TMEM273: variants seen among roughly 807,000 people sequenced by gnomAD.
TMEM273 encodes chromosome 10 open reading frame 128.
Under a neutral mutation model 17.9 loss-of-function variants are expected in TMEM273, and 19 were observed. The observed-to-expected ratio is 1.06, with a 90% CI of 0.74 to 1.55. The LOEUF is 1.55. TMEM273 is among the 40% of genes most tolerant of loss of function. TMEM273 has a pLI of 0.00. For synonymous variants in TMEM273, 66 were observed against 62.0 expected (o/e 1.07, Z -0.31); for missense variants, 194 against 155.6 (o/e 1.25, Z -1.31).
intron 6 of TMEM273, among the ~76,000 whole-genome samples, chr10:49,158,273 A>G (rs1340152391): frequency 6.6e-6 from 1 of 151,610 alleles, no homozygotes; most frequent in Non-Finnish European, 1.5e-5. Context: ...ATATAATGCA[A>G]CCCCAATTTA....
intron 1 of TMEM273, among the ~76,000 whole-genome samples, chr10:49,184,713 A>G (rs138272196): frequency 8.5e-5 from 13 of 152,316 alleles, no homozygotes; most frequent in East Asian, 1.9e-4. Context: ...AATATCCAAC[A>G]AAAGGAGAAT....
intron 6 of TMEM273, among the ~76,000 whole-genome samples, chr10:49,156,582 T>C (rs1312343068): frequency 6.6e-6 from 1 of 152,178 alleles, no homozygotes; most frequent in Non-Finnish European, 1.5e-5. Flanking sequence ...TATAATAGAA[T>C]GGTATATATG....
intron 1 of TMEM273, among the ~76,000 whole-genome samples, chr10:49,168,317 C>G (rs1846331109): frequency 6.6e-6 from 1 of 152,162 alleles, no homozygotes; most frequent in African/African-American, 2.4e-5. Flanking sequence ...GAATCTCCTG[C>G]CCTGCCTCAG....
Position 49,173,026 on chromosome 10 carries a change from A to T in TMEM273, c.44-5064T>A, listed in dbSNP as rs112701787. 3.2e-3 allele frequency among the ~76,000 whole-genome samples: 491 copies of T among 152,350 alleles called. 4 individuals carry two copies. Among genetic ancestry groups the T allele is most frequent in the African/African-American group, 0.011 (475 of 41,590 alleles). ...CCAGTGACACCTAACTCAGAGCCTC[A>T]GGGGAAACTGAGAAGCAAGAATGTC... is the stretch of plus-strand genomic sequence containing the variant. On this transcript the variant is annotated intron_variant, in intron 1 of 6. Coordinates refer to ENST00000374153, the MANE Select transcript of TMEM273 (RefSeq NM_001288740.3).
At chr10:49,171,629 C>T (rs1288673175) in intron 1 of TMEM273, among the ~76,000 whole-genome samples, 1 of 152,236 alleles carries the variant, frequency 6.6e-6, no homozygotes, top group Non-Finnish European at 1.5e-5. Context: ...CTGCAGCACA[C>T]AGATTGCTCT....
rs1030403112 is a variant in TMEM273, at chr10:49,171,808, G to A, written c.44-3846C>T. On this transcript the variant is annotated intron_variant, in intron 1 of 6. Transcript: ENST00000374153. Reference sequence around the variant, plus strand: ...TTATTTTGGAGAGAGCTGAAGGCACGGCCTAGCTTTGCCCCATCTCACTTG... The same window carrying A: ...TTATTTTGGAGAGAGCTGAAGGCACAGCCTAGCTTTGCCCCATCTCACTTG... Among the ~76,000 whole-genome samples, 20 of 152,190 alleles carry A rather than the reference G, an allele frequency of 1.3e-4. No homozygotes were observed. The East Asian group carries it at 1.3e-3, about 10-fold the overall frequency.
intron 1 of TMEM273, among the ~76,000 whole-genome samples, chr10:49,179,054 C>T (rs888105763): frequency 2.6e-5 from 4 of 152,126 alleles, no homozygotes; most frequent in African/African-American, 4.8e-5. Context: ...GGCAGGAGTT[C>T]CCCAACTGAC....
chr10:49,187,158 G>T (rs1847775649), intron 1 of TMEM273, among the ~76,000 whole-genome samples: 1 of 152,110 alleles, frequency 6.6e-6, no homozygotes, highest in African/African-American at 2.4e-5. Context: ...CCACGTCTCT[G>T]GGCAGGCACA....
chr10:49,166,069 C>T (rs1054828437), intron 3 of TMEM273, among the ~76,000 whole-genome samples: 1 of 152,220 alleles, frequency 6.6e-6, no homozygotes, highest in African/African-American at 2.4e-5. Flanking sequence ...CTCCTCCTCT[C>T]CCGGCCCAGA....
At chr10:49,169,655 T>C (rs958261146) in intron 1 of TMEM273, among the ~76,000 whole-genome samples, 5 of 152,212 alleles carry the variant, frequency 3.3e-5, no homozygotes, top group African/African-American at 9.6e-5. Context: ...GCACACAATA[T>C]GACTCTGATT....
intron 1 of TMEM273, among the ~76,000 whole-genome samples, chr10:49,185,017 G>A (rs1368694747): frequency 6.6e-6 from 1 of 152,152 alleles, no homozygotes; most frequent in East Asian, 1.9e-4. Context: ...CAGCTGCAAA[G>A]TAACCCAGGA....
chr10:49,169,776 G>C (rs779979226), intron 1 of TMEM273, among the ~76,000 whole-genome samples: 1 of 152,194 alleles, frequency 6.6e-6, no homozygotes, highest in Non-Finnish European at 1.5e-5. Flanking sequence ...ATGGGGCAAA[G>C]GCTTATATTC....
chr10:49,160,348 T>C (rs778179279), intron 6 of TMEM273: 3 of 152,186 alleles, frequency 2.0e-5, no homozygotes, highest in Non-Finnish European at 2.9e-5. Flanking sequence ...CTTCATGGTA[T>C]TTCTGACCAA....
chr10:49,157,701 A>T (rs1216254623), intron 6 of TMEM273, among the ~76,000 whole-genome samples: 1 of 152,206 alleles, frequency 6.6e-6, no homozygotes, highest in Non-Finnish European at 1.5e-5. Context: ...ACATGATAAG[A>T]TATGTGTGCT....
intron 3 of TMEM273, chr10:49,166,303 T>C: frequency 1.0e-5 from 2 of 200,536 alleles, no homozygotes; most frequent in Non-Finnish European, 2.0e-5. Flanking sequence ...ATGGTGCATG[T>C]CAGCCAGCTC....
intron 5 of TMEM273, among the ~76,000 whole-genome samples, chr10:49,161,871 T>A (rs1469967708): frequency 6.6e-6 from 1 of 152,158 alleles, no homozygotes; most frequent in Admixed American, 6.5e-5. Flanking sequence ...TCCCTGCACG[T>A]GGTGAGGGCG....
At chr10:49,174,123 C>A (rs1357468337) in intron 1 of TMEM273, among the ~76,000 whole-genome samples, 1 of 152,186 alleles carries the variant, frequency 6.6e-6, no homozygotes, top group Non-Finnish European at 1.5e-5. Flanking sequence ...CAGAGACAAC[C>A]CTGCCTTTCT....
At chr10:49,176,241 C>T (rs758863221) in intron 1 of TMEM273, among the ~76,000 whole-genome samples, 2 of 152,186 alleles carry the variant, frequency 1.3e-5, no homozygotes, top group Admixed American at 6.5e-5. Flanking sequence ...ATCCTAGGGG[C>T]CATGAGTGAA....
chr10:49,175,439 C>T (rs953257936), intron 1 of TMEM273, among the ~76,000 whole-genome samples: 1 of 152,212 alleles, frequency 6.6e-6, no homozygotes, highest in Admixed American at 6.5e-5. Context: ...GGCTGAGATG[C>T]ACCAGGGAGC....
Sources: allele counts gnomAD v4.1 joint callset (sites outside exome capture counted in the v4.1 genomes callset), GRCh38; gene constraint gnomAD v4.1.1; transcripts MANE v1.5; gene names NCBI Gene and HGNC (gene_info 2026-07-23, HGNC 2026-07-21).